Variants in SPIDR observed in about 807,000 individuals in gnomAD.
SPIDR encodes scaffold protein involved in DNA repair.
A neutral mutation model predicts 104.6 loss-of-function variants in SPIDR; 93 were observed. The observed-to-expected ratio is 0.89, with a 90% CI of 0.75 to 1.06. The LOEUF is 1.06. Ranked by LOEUF, SPIDR falls within the 50% of genes least tolerant of loss-of-function variation. The pLI, the probability that SPIDR is intolerant of heterozygous loss-of-function variation, is 0.00. For missense variants in SPIDR, 1,154 were observed against 1,111.2 expected (o/e 1.04, Z -0.55); for synonymous variants, 431 against 416.9 (o/e 1.03, Z -0.41).
intron 1 of SPIDR, among the ~76,000 whole-genome samples, chr8:47,268,640 T>G (rs1338453181): frequency 6.6e-6 from 1 of 152,148 alleles, no homozygotes; most frequent in Non-Finnish European, 1.5e-5. Flanking sequence ...AATTTTTTGG[T>G]AGAGATGGAG....
chr8:47,317,411 G>A (rs1029463979), intron 5 of SPIDR, among the ~76,000 whole-genome samples: 6 of 152,064 alleles, frequency 3.9e-5, no homozygotes, highest in African/African-American at 7.2e-5. Flanking sequence ...GGGGAGGGGC[G>A]CCCACCATTG....
At chr8:47,728,066 G>A (rs941296563) in intron 17 of SPIDR, among the ~76,000 whole-genome samples, 1 of 150,728 alleles carries the variant, frequency 6.6e-6, no homozygotes, top group African/African-American at 2.4e-5. Context: ...GCAGTGAGCC[G>A]AGATCACACC....
intron 10 of SPIDR, among the ~76,000 whole-genome samples, chr8:47,629,982 A>G (rs933100115): frequency 4.6e-5 from 7 of 152,268 alleles, no homozygotes; most frequent in African/African-American, 1.7e-4. Flanking sequence ...ATGTACTTAT[A>G]TATTTTGAAC....
At chr8:47,705,550 T>C (rs1023361354) in intron 14 of SPIDR, among the ~76,000 whole-genome samples, 1 of 152,186 alleles carries the variant, frequency 6.6e-6, no homozygotes, top group Admixed American at 6.5e-5. Flanking sequence ...CCTGCATCCT[T>C]GGCAGTGAGG....
At chr8:47,702,325 T>G (rs79699637) in intron 14 of SPIDR, among the ~76,000 whole-genome samples, 4,127 of 152,256 alleles carry the variant, frequency 0.027, 199 homozygotes, top group African/African-American at 0.093. Context: ...GGTACAACCC[T>G]GTCCCCAAAG....
chr8:47,557,974 A>G (rs2091516526), intron 8 of SPIDR, among the ~76,000 whole-genome samples: 1 of 152,226 alleles, frequency 6.6e-6, no homozygotes, highest in Non-Finnish European at 1.5e-5. Context: ...CTTTGCAGCC[A>G]TAAAAAATGA....
chr8:47,640,859 T>G (rs2068811292), intron 10 of SPIDR, among the ~76,000 whole-genome samples: 1 of 110,492 alleles, frequency 9.1e-6, no homozygotes, highest in Non-Finnish European at 1.9e-5. Flanking sequence ...TTTTTTTTTT[T>G]TTTTTTTTTT....
intron 8 of SPIDR, among the ~76,000 whole-genome samples, chr8:47,574,394 T>G (rs943443019): frequency 2.0e-5 from 3 of 152,230 alleles, no homozygotes; most frequent in Admixed American, 6.5e-5. Context: ...AATCTGTTCT[T>G]ATCTTGTGCC....
intron 11 of SPIDR, among the ~76,000 whole-genome samples, chr8:47,685,967 G>A (rs1482244713): frequency 2.0e-5 from 3 of 152,080 alleles, no homozygotes; most frequent in Non-Finnish European, 2.9e-5. Context: ...GACCAGCCTC[G>A]GCAACATCTC....
chr8:47,538,029 G>C (rs2087253895), intron 8 of SPIDR, among the ~76,000 whole-genome samples: 1 of 151,966 alleles, frequency 6.6e-6, no homozygotes, highest in African/African-American at 2.4e-5. Context: ...ACAAAAATTA[G>C]TCAGGCGTGG....
At chr8:47,479,281 C>A (rs2076617615) in intron 8 of SPIDR, among the ~76,000 whole-genome samples, 1 of 151,560 alleles carries the variant, frequency 6.6e-6, no homozygotes, top group Admixed American at 6.6e-5. Flanking sequence ...ATTGCTTGAA[C>A]CTGGGAGGCG....
intron 19 of SPIDR, among the ~76,000 whole-genome samples, chr8:47,731,166 G>C (rs1325115179): frequency 1.3e-5 from 2 of 151,810 alleles, no homozygotes; most frequent in Non-Finnish European, 2.9e-5. Flanking sequence ...TGAGGCAGGA[G>C]AATCACTGGA....
At chr8:47,421,182 C>T (rs1175469083) in intron 7 of SPIDR, among the ~76,000 whole-genome samples, 2 of 152,234 alleles carry the variant, frequency 1.3e-5, no homozygotes, top group Non-Finnish European at 2.9e-5. Context: ...GGAAGTTCTC[C>T]TGGATAATAT....
At chr8:47,339,731 G>A (rs184903195) in intron 5 of SPIDR, among the ~76,000 whole-genome samples, 1 of 146,396 alleles carries the variant, frequency 6.8e-6, no homozygotes, top group Non-Finnish European at 1.5e-5. Flanking sequence ...CTGGACTGGA[G>A]TGCAATGGTG....
At chr8:47,588,299 A>G (rs2060548059) in intron 8 of SPIDR, among the ~76,000 whole-genome samples, 1 of 148,414 alleles carries the variant, frequency 6.7e-6, no homozygotes, top group Non-Finnish European at 1.5e-5. Context: ...TGTGAGATTC[A>G]CACTGACATG....
intron 8 of SPIDR, among the ~76,000 whole-genome samples, chr8:47,441,831 G>A (rs549044622): frequency 8.5e-5 from 13 of 152,256 alleles, no homozygotes; most frequent in Non-Finnish European, 1.8e-4. Flanking sequence ...TGGGTAATAT[G>A]TGAGGTAGTG....
intron 10 of SPIDR, among the ~76,000 whole-genome samples, chr8:47,663,071 C>T (rs938754107): frequency 1.3e-5 from 2 of 152,210 alleles, no homozygotes. Flanking sequence ...TATCTTCTAG[C>T]CTCCTTCCAG....
At chr8:47,608,274 C>T (rs1441858609) in intron 10 of SPIDR, among the ~76,000 whole-genome samples, 2 of 152,208 alleles carry the variant, frequency 1.3e-5, no homozygotes, top group East Asian at 3.8e-4. Context: ...TGTTTCAGTA[C>T]TTCATTCCTT....
chr8:47,603,508 C>T (rs2062559347), intron 10 of SPIDR, among the ~76,000 whole-genome samples: 1 of 151,942 alleles, frequency 6.6e-6, no homozygotes, highest in Non-Finnish European at 1.5e-5. Flanking sequence ...GTCCTTCCAC[C>T]TCAGCCTCCA....
Sources: allele counts gnomAD v4.1 joint callset (sites outside exome capture counted in the v4.1 genomes callset), GRCh38; gene constraint gnomAD v4.1.1; transcripts MANE v1.5; gene names NCBI Gene and HGNC (gene_info 2026-07-23, HGNC 2026-07-21).